SCAPER: variants seen among roughly 807,000 people sequenced by gnomAD.
The protein encoded by SCAPER is S phase cyclin A-associated protein in the endoplasmic reticulum.
SCAPER carries 98 observed loss-of-function variants against 182.2 expected under a neutral mutation model. That is an observed-to-expected ratio of 0.54 (90% CI 0.46 to 0.64). SCAPER has a LOEUF of 0.64. SCAPER is among the 30% of genes least tolerant of loss of function. The pLI, the probability that SCAPER is intolerant of heterozygous loss-of-function variation, is 0.00. For missense variants in SCAPER, 1,432 were observed against 1,690.0 expected, an observed-to-expected ratio of 0.85 and a Z score of 2.68; for synonymous variants, 605 against 564.6, an observed-to-expected ratio of 1.07 and a Z score of -1.01.
Position 76,471,382 on chromosome 15 carries a change from C to A in SCAPER, c.2955-47G>T, listed in dbSNP as rs892878996. ...CATTTATAAAACCCGAGCAGCTCTT[C>A]TTTAAACAATTAAAAATACATAAAA... On this transcript the variant is annotated intron_variant, in intron 24 of 31. Transcript: ENST00000563290. 1.1e-5 allele frequency: 17 copies of A among 1,545,338 alleles called. No homozygotes were observed. In the African/African-American group the frequency reaches 2.4e-4, roughly 21 times the overall value.
chr15:76,546,626 T>TTCTC (rs145432300), intron 23 of SCAPER, among the ~76,000 whole-genome samples: 1 of 151,102 alleles, frequency 6.6e-6, no homozygotes, highest in African/African-American at 2.4e-5. Flanking sequence ...GCTTTTATAC[T>TTCTC]TCTCTCTCTC....
chr15:76,866,501 A>G (rs2072313760), intron 2 of SCAPER, among the ~76,000 whole-genome samples: 1 of 152,194 alleles, frequency 6.6e-6, no homozygotes, highest in African/African-American at 2.4e-5. Context: ...ACAGACACAC[A>G]TTCAAAGAAA....
chr15:76,829,357 T>A (rs1032729074), intron 5 of SCAPER, among the ~76,000 whole-genome samples: 1 of 152,108 alleles, frequency 6.6e-6, no homozygotes, highest in East Asian at 1.9e-4. Context: ...TATTGACAGA[T>A]CAAGGAGATT....
chr15:76,373,433 C>T (rs1002150924), intron 29 of SCAPER, among the ~76,000 whole-genome samples: 2 of 149,760 alleles, frequency 1.3e-5, no homozygotes, highest in Non-Finnish European at 3.0e-5. Context: ...AATGGATGCA[C>T]ATGAAGAAAA....
chr15:76,678,623 G>A (rs1011997960), intron 20 of SCAPER, among the ~76,000 whole-genome samples: 3 of 151,964 alleles, frequency 2.0e-5, no homozygotes, highest in East Asian at 1.9e-4. Context: ...TAAAAGGTGA[G>A]GAAGGTATAG....
In SCAPER at chr15:76,434,300, G is replaced by A; in HGVS notation, c.3089C>T (p.Pro1030Leu). Residue 1030 changes from proline (P) to leucine (L), a missense_variant, in exon 26 of 32, where the codon CCA becomes CTA. Coordinates refer to ENST00000563290, the MANE Select transcript of SCAPER (RefSeq NM_020843.4). The part of the protein sequence containing the change: ...LLIHQLTVYV[P>L]DENNTILGRN... ...CCCCAAAATAGTATTATTTTCATCTGGAACATAAACCTAGATGAAAAAAAA... is the reference window on the plus strand; with the variant it reads ...CCCCAAAATAGTATTATTTTCATCTAGAACATAAACCTAGATGAAAAAAAA... 2.5e-6 allele frequency: 4 copies of A among 1,602,106 alleles called. No homozygotes were observed. The highest frequency in any genetic ancestry group is 1.1e-5 in the South Asian group (1 of 89,604).
intron 2 of SCAPER, among the ~76,000 whole-genome samples, chr15:76,864,611 A>C (rs2151893400): frequency 6.6e-6 from 1 of 152,276 alleles, no homozygotes; most frequent in South Asian, 2.1e-4. Context: ...GAGTAGCATC[A>C]CTTCAGGGAA....
At chr15:76,593,169 G>C (rs1242922794) in intron 22 of SCAPER, among the ~76,000 whole-genome samples, 1 of 121,422 alleles carries the variant, frequency 8.2e-6, no homozygotes, top group Non-Finnish European at 2.0e-5. Flanking sequence ...GGCTTGCGTA[G>C]GCAATTTTCC....
intron 25 of SCAPER, among the ~76,000 whole-genome samples, chr15:76,436,652 G>C (rs1327472075): frequency 6.6e-6 from 1 of 151,742 alleles, no homozygotes; most frequent in Non-Finnish European, 1.5e-5. Context: ...CATGGTCTCT[G>C]TTTTGTTTGA....
chr15:76,858,843 T>C (rs1460476771), intron 3 of SCAPER, among the ~76,000 whole-genome samples: 4 of 152,226 alleles, frequency 2.6e-5, no homozygotes, highest in African/African-American at 9.6e-5. Context: ...GGTGTATATA[T>C]GTACCACATT....
chr15:76,695,038 T>C (rs2058579180), intron 20 of SCAPER, among the ~76,000 whole-genome samples: 1 of 152,192 alleles, frequency 6.6e-6, no homozygotes, highest in South Asian at 2.1e-4. Flanking sequence ...TTCTTTAAGA[T>C]ATTTATAAAA....
chr15:76,400,423 C>T (rs1047704687), intron 27 of SCAPER, among the ~76,000 whole-genome samples: 2 of 152,290 alleles, frequency 1.3e-5, no homozygotes, highest in East Asian at 1.9e-4. Flanking sequence ...TTAATGCATG[C>T]AACAAAATGC....
intron 5 of SCAPER, among the ~76,000 whole-genome samples, chr15:76,816,944 G>A (rs2067136546): frequency 6.6e-6 from 1 of 152,154 alleles, no homozygotes; most frequent in Non-Finnish European, 1.5e-5. Flanking sequence ...GAGCCACCGT[G>A]CCTGGCTGCC....
At chr15:76,413,311 T>TA (rs2045422947) in intron 26 of SCAPER, among the ~76,000 whole-genome samples, 1 of 152,210 alleles carries the variant, frequency 6.6e-6, no homozygotes, top group African/African-American at 2.4e-5. Flanking sequence ...TTCCTAATCT[T>TA]AAAGGAAAAG....
At chr15:76,399,342 T>C (rs568402835) in intron 27 of SCAPER, among the ~76,000 whole-genome samples, 45 of 152,258 alleles carry the variant, frequency 3.0e-4, no homozygotes, top group Admixed American at 6.5e-4. Flanking sequence ...TTCACCATGT[T>C]GGCCAGTCTC....
chr15:76,904,008 A>T (rs2074936680), intron 1 of SCAPER, among the ~76,000 whole-genome samples: 1 of 152,136 alleles, frequency 6.6e-6, no homozygotes, highest in African/African-American at 2.4e-5. Context: ...TTAAAACTTG[A>T]CTCTTTGATT....
intron 22 of SCAPER, among the ~76,000 whole-genome samples, chr15:76,611,043 A>C (rs2050934085): frequency 6.6e-6 from 1 of 152,158 alleles, no homozygotes; most frequent in Non-Finnish European, 1.5e-5. Flanking sequence ...TCAAAACATA[A>C]GATAGTGGCA....
intron 8 of SCAPER, among the ~76,000 whole-genome samples, chr15:76,776,703 C>T (rs2063764545): frequency 6.6e-6 from 1 of 152,162 alleles, no homozygotes; most frequent in South Asian, 2.1e-4. Flanking sequence ...CCTGCTTCCA[C>T]TTCTCCCCTC....
At chr15:76,783,721 G>T (rs1209559232) in intron 8 of SCAPER, among the ~76,000 whole-genome samples, 1 of 152,122 alleles carries the variant, frequency 6.6e-6, no homozygotes, top group Non-Finnish European at 1.5e-5. Context: ...GGGATGCAAG[G>T]CTGGTTCAAC....
Sources: gnomAD v4.1 joint callset for allele counts (sites outside exome capture counted in the v4.1 genomes callset) on GRCh38, gnomAD v4.1.1 for gene constraint, MANE v1.5 for transcripts, NCBI Gene and HGNC (gene_info 2026-07-23, HGNC 2026-07-21) for gene names.